GALNT11: variants seen among roughly 807,000 people sequenced by gnomAD.
GALNT11 encodes polypeptide N-acetylgalactosaminyltransferase 11, also known as UDP-GalNAc:polypeptide N-acetylgalactosaminyltransferase 11.
A neutral mutation model predicts 72.7 loss-of-function variants in GALNT11; 47 were observed. The ratio of observed to expected loss-of-function variants is 0.65; its 90% CI spans 0.51 to 0.82. The LOEUF (loss-of-function observed/expected upper bound fraction) is 0.82, where lower values mean the gene tolerates loss of function less well. Ranked by LOEUF, GALNT11 falls within the 40% of genes least tolerant of loss-of-function variation. The pLI, the probability that GALNT11 is intolerant of heterozygous loss-of-function variation, is 0.00. For synonymous variants in GALNT11, 270 were observed against 286.6 expected, an observed-to-expected ratio of 0.94 and a Z score of 0.58; for missense variants, 677 against 778.4, an observed-to-expected ratio of 0.87 and a Z score of 1.55.
chr7:152,111,413 C>T (rs2088181934), intron 7 of GALNT11, among the ~76,000 whole-genome samples: 1 of 152,152 alleles, frequency 6.6e-6, no homozygotes, highest in African/African-American at 2.4e-5. Flanking sequence ...CCTTAGCTTC[C>T]CAAGGTGTTA....
In GALNT11 at chr7:152,108,279, A is replaced by C; in HGVS notation, c.954A>C (p.Ala318=). The change falls in exon 6 of 12, where the codon GCA becomes GCC. Residue 318 remains alanine, a synonymous_variant. Coordinates refer to ENST00000430044, the MANE Select transcript of GALNT11 (RefSeq NM_022087.4). ...TAGGACGAGCGGAGGGAGCCACTGC[A>C]CCAATAAAGTAAGATCGCTCCTTTG... ...SELGRAEGAT[A]PIKSPTMAGG... The C allele has an allele frequency of 6.2e-7, 1 of 1,607,910 alleles. No individual in the cohort carries two copies. The highest frequency in any genetic ancestry group is 8.5e-7 in the Non-Finnish European group (1 of 1,174,766).
At chr7:152,042,576 C>T (rs1302350605) in intron 1 of GALNT11, among the ~76,000 whole-genome samples, 2 of 152,198 alleles carry the variant, frequency 1.3e-5, no homozygotes, top group Non-Finnish European at 2.9e-5. Flanking sequence ...AAATGATATC[C>T]TAAACCTTGG....
intron 8 of GALNT11, 61 bp from the exon 9 acceptor site, chr7:152,117,096 G>T (rs2088942082): frequency 7.1e-7 from 1 of 1,418,048 alleles, no homozygotes; most frequent in African/African-American, 1.5e-5. Context: ...TCTCTATATA[G>T]TTGTATCATC....
chr7:152,040,231 A>C (rs536199240), intron 1 of GALNT11, among the ~76,000 whole-genome samples: 1 of 151,962 alleles, frequency 6.6e-6, no homozygotes, highest in South Asian at 2.1e-4. Flanking sequence ...CCTGATTGGC[A>C]TGTAGCCCAG....
intron 4 of GALNT11, 28 bp from the exon 5 acceptor site, chr7:152,105,217 T>C: frequency 6.2e-7 from 1 of 1,607,302 alleles, no homozygotes; most frequent in Non-Finnish European, 8.5e-7. Flanking sequence ...CTCATACAGT[T>C]TGAATAATTG....
At chr7:152,058,055 G>T (rs1422749417) in intron 1 of GALNT11, among the ~76,000 whole-genome samples, 4 of 151,978 alleles carry the variant, frequency 2.6e-5, no homozygotes, top group African/African-American at 9.7e-5. Context: ...TGCAATAAAG[G>T]GACTATCACA....
rs2129083268 is a variant in GALNT11 at position 152,121,429 on chromosome 7, G to A, written c.1696-117G>A. ...ACAAACAGCAGAAAACTAACCTTTGGCTAAGAGGGGACTATTGTATCCCTT... is the reference window on the plus strand; with the variant it reads ...ACAAACAGCAGAAAACTAACCTTTGACTAAGAGGGGACTATTGTATCCCTT... On this transcript the variant is annotated intron_variant, in intron 11 of 11. Transcript: ENST00000430044. The A allele has an allele frequency of 4.0e-6, 5 of 1,257,908 alleles. No individual in the cohort carries two copies. In the South Asian group the frequency reaches 6.2e-5, roughly 16 times the overall value. The allele number at this position is 1,257,908 out of a possible 1,614,324, so 77.9% of individuals were successfully genotyped here.
intron 7 of GALNT11, 97 bp from the exon 8 acceptor site, chr7:152,113,149 A>T: frequency 7.7e-7 from 1 of 1,301,166 alleles, no homozygotes; most frequent in Non-Finnish European, 1.1e-6. Context: ...AGTTTCATAA[A>T]CACCTATTGA....
rs181222822 is a variant in GALNT11, at chr7:152,060,482, T to A, written c.-38-33708T>A. ...GCTAAATTACTGGTAGTTTTTTTTT[T>A]TATATATATATACTTTAATTTCTAG... On this transcript the variant is annotated intron_variant, in intron 1 of 11. Coordinates refer to ENST00000430044, the MANE Select transcript of GALNT11 (RefSeq NM_022087.4). Among the ~76,000 whole-genome samples the A allele has an allele frequency of 2.7e-4, 41 of 152,056 alleles. No individual in the cohort carries two copies. The East Asian group carries it at 2.9e-3, about 11-fold the overall frequency.
chr7:152,078,261 G>A (rs1307947009), intron 1 of GALNT11, among the ~76,000 whole-genome samples: 1 of 152,142 alleles, frequency 6.6e-6, no homozygotes, highest in Non-Finnish European at 1.5e-5. Flanking sequence ...TGTTGCGCAG[G>A]CTGGAGTGCA....
intron 1 of GALNT11, among the ~76,000 whole-genome samples, chr7:152,057,385 C>T (rs1483476745): frequency 6.6e-6 from 1 of 151,168 alleles, no homozygotes; most frequent in East Asian, 1.9e-4. Context: ...CGGTTTACTG[C>T]AACCTCTGCC....
intron 1 of GALNT11, among the ~76,000 whole-genome samples, chr7:152,084,084 A>AG (rs1210810294): frequency 1.3e-5 from 2 of 152,160 alleles, no homozygotes; most frequent in African/African-American, 4.8e-5. Flanking sequence ...AAGTAGCAGT[A>AG]GGATTTCCTC....
At chr7:152,111,337 A>G (rs2088173439) in intron 7 of GALNT11, among the ~76,000 whole-genome samples, 1 of 152,058 alleles carries the variant, frequency 6.6e-6, no homozygotes, top group Non-Finnish European at 1.5e-5. Flanking sequence ...TACTTTTTGT[A>G]GAGATGCGAG....
intron 1 of GALNT11, among the ~76,000 whole-genome samples, chr7:152,034,245 G>A (rs557064745): frequency 2.0e-5 from 3 of 152,240 alleles, no homozygotes; most frequent in African/African-American, 4.8e-5. Flanking sequence ...AGGATATGGG[G>A]GTAAGCTGAG....
chr7:152,057,409 C>G (rs949643919), intron 1 of GALNT11, among the ~76,000 whole-genome samples: 2 of 151,026 alleles, frequency 1.3e-5, no homozygotes, highest in African/African-American at 2.4e-5. Context: ...CAGGTTTGAG[C>G]TATTCTCTTG....
intron 1 of GALNT11, among the ~76,000 whole-genome samples, chr7:152,043,189 T>C (rs1325925326): frequency 1.3e-5 from 2 of 152,202 alleles, no homozygotes; most frequent in Non-Finnish European, 2.9e-5. Flanking sequence ...AATTTGAATT[T>C]CCCCATTGTA....
rs75989448 is a variant in GALNT11, at chr7:152,072,031, G to T, written c.-38-22159G>T. 3.9e-4 allele frequency among the ~76,000 whole-genome samples: 51 copies of T among 129,766 alleles called. No individual in the cohort carries two copies. The East Asian group carries it at 0.011, about 29-fold the overall frequency. The allele number at this position is 129,766 out of a possible 152,430, so 85.1% of individuals were successfully genotyped here. A position where few individuals can be genotyped will look rare whatever the true frequency, so the allele number is the denominator to read the frequency against. ...TCTCAAAAAAAAAAAAAAAAAAAAA[G>T]TTTTTAAGCTGGGTGCTGTGGCTCA... On this transcript the variant is annotated intron_variant, in intron 1 of 11. Transcript: ENST00000430044.
At position 152,037,260 on chromosome 7, in the gene GALNT11, A is replaced by C. The variant is rs79718586; in HGVS notation, c.-39+11376A>C. Among the ~76,000 whole-genome samples the C allele has an allele frequency of 9.3e-3, 1,418 of 152,270 alleles. 26 individuals are homozygous for C. Among genetic ancestry groups the C allele is most frequent in the African/African-American group, 0.033 (1,359 of 41,546 alleles). On this transcript the variant is annotated intron_variant, in intron 1 of 11. Coordinates refer to ENST00000430044, the MANE Select transcript of GALNT11 (RefSeq NM_022087.4). ...TGTGTATAGTGAGAGATAGGGATCTAGTTTCATTCTTCTGCATATGTATAT... is the reference window on the plus strand; with the variant it reads ...TGTGTATAGTGAGAGATAGGGATCTCGTTTCATTCTTCTGCATATGTATAT...
intron 1 of GALNT11, among the ~76,000 whole-genome samples, chr7:152,043,237 T>G (rs2082952524): frequency 6.6e-6 from 1 of 152,216 alleles, no homozygotes; most frequent in Non-Finnish European, 1.5e-5. Context: ...TTGTACCGCT[T>G]TTATATTTAA....
Sources: allele counts gnomAD v4.1 joint callset (sites outside exome capture counted in the v4.1 genomes callset), GRCh38; gene constraint gnomAD v4.1.1; transcripts MANE v1.5; gene names NCBI Gene and HGNC (gene_info 2026-07-23, HGNC 2026-07-21).